Variants in COL13A1 observed in about 807,000 individuals in gnomAD.
COL13A1 encodes the protein collagen type XIII alpha 1 chain, also known as collagen alpha-1(XIII) chain.
In COL13A1, 89 loss-of-function variants were observed where a neutral mutation model predicts 130.9. That is an observed-to-expected ratio of 0.68 (90% CI 0.57 to 0.81). COL13A1 has a LOEUF of 0.81. COL13A1 is among the 30% of genes least tolerant of loss of function. COL13A1 has a pLI of 0.00. For missense variants in COL13A1, 879 were observed against 934.6 expected, an observed-to-expected ratio of 0.94 and a Z score of 0.78; for synonymous variants, 402 against 341.6, an observed-to-expected ratio of 1.18 and a Z score of -1.95.
At chr10:69,831,801 G>A (rs373859836) in intron 2 of COL13A1, among the ~76,000 whole-genome samples, 229 of 152,254 alleles carry the variant, frequency 1.5e-3, no homozygotes, top group African/African-American at 5.3e-3. Context: ...GCAGTTACAG[G>A]TGTGGGCTCT....
intron 2 of COL13A1, among the ~76,000 whole-genome samples, chr10:69,844,033 T>A (rs923983462): frequency 3.9e-4 from 59 of 152,038 alleles, no homozygotes; most frequent in African/African-American, 1.2e-3. Context: ...CAGTAAAGCA[T>A]AGAAAATACC....
chr10:69,944,499 T>A (rs138889397), intron 36 of COL13A1, among the ~76,000 whole-genome samples: 29 of 151,936 alleles, frequency 1.9e-4, no homozygotes, highest in Admixed American at 8.5e-4. Context: ...CTACAAAAAA[T>A]TTTTTTAAAA....
chr10:69,863,276 T>G (rs1858735392), intron 2 of COL13A1, among the ~76,000 whole-genome samples: 1 of 152,114 alleles, frequency 6.6e-6, no homozygotes, highest in Non-Finnish European at 1.5e-5. Context: ...TCAACTATCC[T>G]CTGGGGAGCC....
At chr10:69,898,407 C>T (rs1378916196) in intron 13 of COL13A1, among the ~76,000 whole-genome samples, 3 of 152,214 alleles carry the variant, frequency 2.0e-5, no homozygotes, top group African/African-American at 7.2e-5. Context: ...GGTCAACATC[C>T]CAAACTCTGA....
At chr10:69,898,274 C>A (rs554935717) in intron 13 of COL13A1, among the ~76,000 whole-genome samples, 2 of 152,326 alleles carry the variant, frequency 1.3e-5, no homozygotes, top group African/African-American at 2.4e-5. Context: ...GTCCCCCAAG[C>A]AGGGATGGGT....
chr10:69,925,763 C>T (rs775644963), intron 25 of COL13A1, 41 bp from the exon 26 acceptor site: 2 of 1,525,536 alleles, frequency 1.3e-6, no homozygotes, highest in African/African-American at 1.4e-5. Context: ...TCCCGGCCCT[C>T]CCGGTCCAGG....
Position 69,957,818 on chromosome 10 carries a change from C to T in COL13A1, c.2184+776C>T, listed in dbSNP as rs75568553. Among the ~76,000 whole-genome samples the T allele has an allele frequency of 4.1e-3, 628 of 152,306 alleles. 1 individual carries two copies. Among genetic ancestry groups the T allele is most frequent in the Non-Finnish European group, 6.9e-3 (466 of 68,028 alleles). On this transcript the variant is annotated intron_variant, in intron 40 of 40. Coordinates refer to ENST00000645393, the MANE Select transcript of COL13A1 (RefSeq NM_001368882.1). ...CCCCATACCGTCTCCCTCCACCTTG[C>T]CTGTCACTCCAAGTCTTCTCACCAA... is the stretch of plus-strand genomic sequence containing the variant.
rs1564932602 is a variant in COL13A1, at chr10:69,880,546, G to C, written c.506G>C (p.Gly169Ala). 4 of 1,613,364 alleles carry C rather than the reference G, an allele frequency of 2.5e-6. No individual in the cohort carries two copies. The highest frequency in any genetic ancestry group is 2.5e-6 in the Non-Finnish European group (3 of 1,179,754). The change falls in exon 7 of 41, where the codon GGC (glycine) becomes GCC (alanine). Residue 169 changes from glycine (G) to alanine (A), a missense_variant. This residue lies in a region of COL13A1 where 715 missense variants were observed against 721.0 expected (regional missense o/e 0.99). Coordinates refer to ENST00000645393, the MANE Select transcript of COL13A1 (RefSeq NM_001368882.1). ...DAGLSIIGPR[G>A]PPGQPGTRGF... Reference sequence around the variant, plus strand: ...GGGCTGTCCATCATTGGTCCCCGCGGCCCCCCTGTAAGTTGTTTTTGCTCT... The same window carrying C: ...GGGCTGTCCATCATTGGTCCCCGCGCCCCCCCTGTAAGTTGTTTTTGCTCT...
rs186898002 is a variant in COL13A1 at position 69,912,681 on chromosome 10, G to C, written c.922-4608G>C. On this transcript the variant is annotated intron_variant, in intron 17 of 40. Coordinates refer to ENST00000645393, the MANE Select transcript of COL13A1 (RefSeq NM_001368882.1). ...TTCCAACCCAGACCTGGCTGCAGCA[G>C]AAACCAGGCCTAATCTTAGAGAACT... 5.4e-4 allele frequency among the ~76,000 whole-genome samples: 82 copies of C among 152,202 alleles called. No individual in the cohort carries two copies. In the East Asian group the frequency reaches 0.015, roughly 28 times the overall value.
rs2067119269 is a variant in COL13A1, at chr10:69,937,723, C to T, written c.1878+8C>T. 7.2e-7 allele frequency: 1 copy of T among 1,393,354 alleles called. No homozygotes were observed. Among genetic ancestry groups the T allele is most frequent in the South Asian group, 1.2e-5 (1 of 86,538 alleles). The allele number at this position is 1,393,354 out of a possible 1,614,324, so 86.3% of individuals were successfully genotyped here. On this transcript the variant is annotated splice_region_variant and intron_variant, in intron 34 of 40. Transcript: ENST00000645393. ...GGTCCCCTGGGACTACCCGTAAGTA[C>T]CTTGGACCCAGCAAGACTGGTGGGT... is the stretch of plus-strand genomic sequence containing the variant.
intron 34 of COL13A1, among the ~76,000 whole-genome samples, chr10:69,939,388 C>T (rs1349074406): frequency 6.6e-6 from 1 of 152,200 alleles, no homozygotes; most frequent in Non-Finnish European, 1.5e-5. Flanking sequence ...AAATTATTTG[C>T]AACACTGCAG....
chr10:69,914,443 C>T (rs941038439), intron 17 of COL13A1, among the ~76,000 whole-genome samples: 1 of 152,168 alleles, frequency 6.6e-6, no homozygotes, highest in African/African-American at 2.4e-5. Context: ...CTGATCTAAC[C>T]GCACTTTGCA....
chr10:69,854,502 G>A (rs1385797384), intron 2 of COL13A1, among the ~76,000 whole-genome samples: 4 of 151,972 alleles, frequency 2.6e-5, no homozygotes, highest in Non-Finnish European at 5.9e-5. Flanking sequence ...GAGCCTGGGA[G>A]GTTGTGGCTG....
In COL13A1 at chr10:69,952,915, A is replaced by G. The variant is rs367655355; in HGVS notation, c.2092A>G (p.Lys698Glu). The G allele has an allele frequency of 6.4e-7, 1 of 1,559,766 alleles. No individual in the cohort carries two copies. The change falls in exon 39 of 41, where the codon AAA (lysine) becomes GAA (glutamate). Residue 698 changes from lysine to glutamate, a missense_variant. By Grantham distance (56) the Lys-to-Glu change is moderately conservative. Transcript: ENST00000645393. ...GGGGAAGAAAGGCTCTAGAGGGCCT[A>G]AAGGGGATAAGGGAGACCAAGGAGC... ...ERGKKGSRGP[K>E]GDKGDQGAPG...
intron 34 of COL13A1, 39 bp downstream of exon 34, chr10:69,937,754 G>T: frequency 2.2e-6 from 2 of 925,620 alleles, no homozygotes; most frequent in South Asian, 1.3e-5. Flanking sequence ...TGGGTTTGAT[G>T]GGCCAGGGGT....
In COL13A1 at chr10:69,894,548, A is replaced by T. The variant is rs774825232; in HGVS notation, c.604-4A>T. ...ACTGACCTGTGTGTGTTTGCTTCCC[A>T]CAGGGTCTGACGGGTCCCCCAGGAC... On this transcript the variant is annotated splice_polypyrimidine_tract_variant and splice_region_variant and intron_variant, in intron 10 of 40. Coordinates refer to ENST00000645393, the MANE Select transcript of COL13A1 (RefSeq NM_001368882.1). 1.6e-5 allele frequency: 26 copies of T among 1,613,684 alleles called. No individual in the cohort carries two copies. In the African/African-American group the frequency reaches 2.5e-4, roughly 16 times the overall value.
At chr10:69,888,802 A>G (rs2060865372) in intron 9 of COL13A1, among the ~76,000 whole-genome samples, 1 of 152,146 alleles carries the variant, frequency 6.6e-6, no homozygotes, top group Non-Finnish European at 1.5e-5. Flanking sequence ...GCTTCCCACC[A>G]TAGCTCCTCT....
chr10:69,917,776 G>T (rs979442284), intron 18 of COL13A1, among the ~76,000 whole-genome samples: 2 of 152,098 alleles, frequency 1.3e-5, no homozygotes, highest in Non-Finnish European at 2.9e-5. Context: ...GGGCAGAGGT[G>T]CACAGAGCTG....
At chr10:69,936,157 GAAGGAAGGAAGGAAGGAAGGAAAGGA>G (rs2066872075) in intron 32 of COL13A1, among the ~76,000 whole-genome samples, 4 of 21,140 alleles carry the variant, frequency 1.9e-4, no homozygotes, top group South Asian at 3.7e-3. Flanking sequence ...AGGAAGGAAG[GAAGGAAGGAAGGAAGGAAGGAAAGGA>G]AAGGAAGGAA....
Sources: allele counts gnomAD v4.1 joint callset (sites outside exome capture counted in the v4.1 genomes callset), GRCh38; gene constraint gnomAD v4.1.1; regional missense constraint gnomAD v4.1.1; transcripts MANE v1.5; gene names NCBI Gene and HGNC (gene_info 2026-07-23, HGNC 2026-07-21).